Variants in AKT1 observed in about 807,000 individuals in gnomAD.
AKT1 encodes AKT serine/threonine kinase 1.
A neutral mutation model predicts 63.1 loss-of-function variants in AKT1; 21 were observed. That is an observed-to-expected ratio of 0.33 (90% confidence interval 0.24 to 0.48). AKT1 has a LOEUF of 0.48. AKT1 is among the 20% of genes least tolerant of loss of function. The pLI, the probability that AKT1 is intolerant of heterozygous loss-of-function variation, is 0.99. For synonymous variants in AKT1, 257 were observed against 253.1 expected (o/e 1.02, Z -0.15); for missense variants, 382 against 666.0 (o/e 0.57, Z 4.69).
intron 4 of AKT1, 146 bp downstream of exon 4, chr14:104,779,942 C>T (rs1371405719): frequency 8.1e-7 from 1 of 1,239,240 alleles, no homozygotes; most frequent in African/African-American, 1.5e-5. Context: ...GGACTCGGCC[C>T]AGAGACCCCC....
chr14:104,781,734 C>T (rs527805403), intron 3 of AKT1, among the ~76,000 whole-genome samples: 1 of 152,312 alleles, frequency 6.6e-6, no homozygotes, highest in East Asian at 1.9e-4. Flanking sequence ...GGACACCCCA[C>T]CCAGCAGGGC....
Position 104,775,155 on chromosome 14 carries a change from T to G in AKT1, c.488A>C (p.Lys163Thr). 6.2e-7 allele frequency: 1 copy of G among 1,614,120 alleles called. No individual in the cohort carries two copies. The highest frequency in any genetic ancestry group is 8.5e-7 in the Non-Finnish European group (1 of 1,180,020). Residue 163 changes from lysine to threonine, a missense_variant, in exon 7 of 15, where the codon AAG becomes ACG. Coordinates refer to ENST00000649815, the MANE Select transcript of AKT1 (RefSeq NM_001382430.1). ...LKLLGKGTFGKVILVKEKATG... is the reference protein window; with the variant it reads ...LKLLGKGTFGTVILVKEKATG... Reference sequence around the variant, plus strand: ...GGCCTTCTCCTTCACCAGGATCACCTTGCCGAAAGTGCCCTTGCCCAGCAG... The same window carrying G: ...GGCCTTCTCCTTCACCAGGATCACCGTGCCGAAAGTGCCCTTGCCCAGCAG...
intron 3 of AKT1, among the ~76,000 whole-genome samples, chr14:104,781,582 C>T (rs555083713): frequency 6.6e-6 from 1 of 152,290 alleles, no homozygotes; most frequent in East Asian, 1.9e-4. Flanking sequence ...ATGGCCACCC[C>T]CCGGCCAGGT....
chr14:104,776,509 C>T (rs1290971702), intron 5 of AKT1, 150 bp downstream of exon 5: 4 of 637,512 alleles, frequency 6.3e-6, no homozygotes, highest in Non-Finnish European at 7.9e-6. Context: ...AGGACTGGGC[C>T]AGTTTCCAAA....
At position 104,773,280 on chromosome 14, in the gene AKT1, A is replaced by C; in HGVS notation, c.928T>G (p.Cys310Gly). Residue 310 changes from cysteine to glycine, a missense_variant, in exon 11 of 15, where the codon TGC (cysteine) becomes GGC (glycine). Transcript: ENST00000649815. Reference protein sequence around the residue: ...IKDGATMKTFCGTPEYLAPEV... With the variant: ...IKDGATMKTFGGTPEYLAPEV... ...GGGGCCAGGTACTCAGGTGTGCCGC[A>C]AAAGGTCTTCATGGTGGCACCGTCC... 2.5e-6 allele frequency: 4 copies of C among 1,614,210 alleles called. No homozygotes were observed. The highest frequency in any genetic ancestry group is 3.4e-6 in the Non-Finnish European group (4 of 1,180,016).
chr14:104,783,042 G>A (rs1001327430), intron 3 of AKT1, among the ~76,000 whole-genome samples: 13 of 152,160 alleles, frequency 8.5e-5, no homozygotes, highest in African/African-American at 3.1e-4. Context: ...CGGGGCAGGT[G>A]GAGGAGACAG....
At chr14:104,776,004 T>C (rs1892682640) in intron 5 of AKT1, 1 of 583,082 alleles carries the variant, frequency 1.7e-6, no homozygotes, top group Non-Finnish European at 3.0e-6. Context: ...ACACCCAGGC[T>C]TAGCCCCCCA....
chr14:104,791,676 T>C (rs1490166954), intron 3 of AKT1, among the ~76,000 whole-genome samples: 1 of 152,152 alleles, frequency 6.6e-6, no homozygotes, highest in Non-Finnish European at 1.5e-5. Context: ...CCCTGTCTGC[T>C]CCAGCTGTGT....
At chr14:104,772,120 C>T (rs1892421272) in intron 13 of AKT1, 1 of 583,492 alleles carries the variant, frequency 1.7e-6, no homozygotes, top group South Asian at 2.0e-5. Flanking sequence ...CAGAGTGTGA[C>T]ACACCTCCGA....
chr14:104,792,557 TCTC>T (rs781126026), intron 3 of AKT1, 38 bp downstream of exon 3: 5 of 1,609,900 alleles, frequency 3.1e-6, no homozygotes. Context: ...ACTACCCCCA[TCTC>T]TCCCTCCCCA....
At chr14:104,788,502 C>T (rs1385910919) in intron 3 of AKT1, among the ~76,000 whole-genome samples, 1 of 152,218 alleles carries the variant, frequency 6.6e-6, no homozygotes, top group Non-Finnish European at 1.5e-5. Context: ...AAGGCCTCCT[C>T]CAGGATGAAG....
Position 104,774,925 on chromosome 14 carries a change from G to A in AKT1, c.633+13C>T. 6.2e-7 allele frequency: 1 copy of A among 1,609,054 alleles called. No individual in the cohort carries two copies. Among genetic ancestry groups the A allele is most frequent in the Non-Finnish European group, 8.5e-7 (1 of 1,178,266 alleles). ...GGCCCCAGCCCTTCAGCCCCATCTG[G>A]GCTCCCACTCACTGTGAGGAAGGGG... On this transcript the variant is annotated intron_variant, in intron 8 of 14. Transcript: ENST00000649815.
intron 3 of AKT1, among the ~76,000 whole-genome samples, chr14:104,784,162 C>G (rs1336035986): frequency 6.6e-6 from 1 of 152,226 alleles, no homozygotes; most frequent in Non-Finnish European, 1.5e-5. Flanking sequence ...CCGGTCCCAC[C>G]CTTCAGGGTT....
intron 3 of AKT1, among the ~76,000 whole-genome samples, chr14:104,785,282 G>A (rs1453114860): frequency 6.6e-6 from 1 of 152,180 alleles, no homozygotes; most frequent in African/African-American, 2.4e-5. Context: ...CCGGGCCCGG[G>A]AGTACACACC....
rs889505130 is a variant in AKT1 at position 104,772,452 on chromosome 14, C to T, written c.1173G>A (p.Arg391=). 1 of 1,613,654 alleles carries T rather than the reference C, an allele frequency of 6.2e-7. No individual in the cohort carries two copies. The highest frequency in any genetic ancestry group is 8.5e-7 in the Non-Finnish European group (1 of 1,180,018). ...SGLLKKDPKQ[R]LGGGSEDAKE... Reference sequence around the variant, plus strand: ...TGGCGTCCTCGGAGCCCCCGCCAAGCCTGCAGGCAGGAAACAAGGCCACAG... The same window carrying T: ...TGGCGTCCTCGGAGCCCCCGCCAAGTCTGCAGGCAGGAAACAAGGCCACAG... The change falls in exon 13 of 15, where the codon AGG becomes AGA. Residue 391 remains arginine, a splice_region_variant and synonymous_variant. Transcript: ENST00000649815.
At chr14:104,788,216 G>C (rs61759777) in intron 3 of AKT1, among the ~76,000 whole-genome samples, 1 of 152,186 alleles carries the variant, frequency 6.6e-6, no homozygotes, top group Non-Finnish European at 1.5e-5. Context: ...GACGCAGCCT[G>C]GGGTTGACCC....
Position 104,792,706 on chromosome 14 carries a change from T to C in AKT1, c.-63A>G. The C allele has an allele frequency of 1.3e-6, 2 of 1,583,722 alleles. No homozygotes were observed. The highest frequency in any genetic ancestry group is 2.2e-5 in the East Asian group (1 of 44,794). On this transcript the variant is annotated 5_prime_UTR_variant, in exon 3 of 15. Transcript: ENST00000649815. ...CAGGCTGGCGCTCCCCGAGCCCAGC[T>C]GGCCTGGCCACAGCCTCTGGGAGAA...
At chr14:104,788,914 C>T (rs912111133) in intron 3 of AKT1, among the ~76,000 whole-genome samples, 1 of 152,190 alleles carries the variant, frequency 6.6e-6, no homozygotes, top group African/African-American at 2.4e-5. Flanking sequence ...CTGGACCCTC[C>T]GTGAGCCGCA....
At position 104,780,120 on chromosome 14, in the gene AKT1, C is replaced by T. The variant is rs774836044; in HGVS notation, c.143G>A (p.Arg48His). The change falls in exon 4 of 15, where the codon CGT (arginine) becomes CAT (histidine). Residue 48 changes from arginine (R) to histidine (H), a missense_variant. Physicochemically the swap from Arg to His is conservative, Grantham distance 29. Coordinates refer to ENST00000649815, the MANE Select transcript of AKT1 (RefSeq NM_001382430.1). ...YKERPQDVDQ[R>H]EAPLNNFSVA... is the part of the protein sequence containing the mutation. ...AGAGAAGTTGTTGAGGGGAGCCTCA[C>T]GTTGGTCCACATCCTGCGGCCGCTC... 35 of 1,613,566 alleles carry T rather than the reference C, an allele frequency of 2.2e-5. No individual in the cohort carries two copies. The highest frequency in any genetic ancestry group is 1.6e-4 in the Middle Eastern group (1 of 6,082).
Sources: gnomAD v4.1 joint callset for allele counts (sites outside exome capture counted in the v4.1 genomes callset) on GRCh38, gnomAD v4.1.1 for gene constraint, MANE v1.5 for transcripts, NCBI Gene and HGNC (gene_info 2026-07-23, HGNC 2026-07-21) for gene names.